Variants in RNF220 observed in about 807,000 individuals in gnomAD.
RNF220 encodes the protein ring finger protein 220.
Under a neutral mutation model 67.1 loss-of-function variants are expected in RNF220, and 7 were observed. The observed-to-expected ratio is 0.10, with a 90% CI of 0.06 to 0.20. The LOEUF is 0.20. RNF220 is among the 10% of genes least tolerant of loss of function. RNF220 has a pLI of 1.00. For synonymous variants in RNF220, 270 were observed against 283.2 expected (o/e 0.95, Z 0.47); for missense variants, 565 against 740.3 (o/e 0.76, Z 2.75).
At chr1:44,505,504 G>A (rs543908740) in intron 2 of RNF220, among the ~76,000 whole-genome samples, 3 of 152,380 alleles carry the variant, frequency 2.0e-5, no homozygotes, top group East Asian at 1.9e-4. Context: ...CGGCTGGCCC[G>A]CAGCAGGGAA....
chr1:44,495,861 C>A (rs142609589), intron 2 of RNF220, among the ~76,000 whole-genome samples: 11 of 152,276 alleles, frequency 7.2e-5, no homozygotes, highest in Non-Finnish European at 1.5e-5. Flanking sequence ...CTGCTGTATC[C>A]CAGCATTTAG....
Position 44,635,757 on chromosome 1 carries a change from T to G in RNF220, c.993+169T>G, listed in dbSNP as rs181664450. The G allele has an allele frequency of 2.3e-5, 34 of 1,455,490 alleles. No homozygotes were observed. The East Asian group carries it at 6.5e-4, about 28-fold the overall frequency. 90.2% of individuals were successfully genotyped at this position (1,455,490 alleles called of 1,614,324 possible). A position where few individuals can be genotyped will look rare whatever the true frequency, so the allele number is the denominator to read the frequency against. On this transcript the variant is annotated intron_variant, in intron 7 of 14. Coordinates refer to ENST00000361799, the MANE Select transcript of RNF220 (RefSeq NM_018150.4). ...CCCCTGAATCTGTGGGCTCTTGGGGTCTCCATGTGGTCTCAGCAGCTTCTT... is the reference window on the plus strand; with the variant it reads ...CCCCTGAATCTGTGGGCTCTTGGGGGCTCCATGTGGTCTCAGCAGCTTCTT...
chr1:44,617,307 C>G (rs1643598207), intron 3 of RNF220, among the ~76,000 whole-genome samples: 1 of 152,122 alleles, frequency 6.6e-6, no homozygotes, highest in African/African-American at 2.4e-5. Flanking sequence ...CCGGCAAAGG[C>G]GTTCAAGGGC....
At chr1:44,459,462 C>T (rs1457546170) in intron 2 of RNF220, among the ~76,000 whole-genome samples, 1 of 149,884 alleles carries the variant, frequency 6.7e-6, no homozygotes, top group African/African-American at 2.5e-5. Context: ...ATAAACCCCC[C>T]AAAACTGGTA....
At chr1:44,505,177 A>C (rs993126996) in intron 2 of RNF220, among the ~76,000 whole-genome samples, 1 of 152,204 alleles carries the variant, frequency 6.6e-6, no homozygotes, top group Admixed American at 6.5e-5. Context: ...TCAGGATTTG[A>C]ACCCAGATCT....
At chr1:44,446,837 G>A (rs552077998) in intron 2 of RNF220, among the ~76,000 whole-genome samples, 10 of 152,234 alleles carry the variant, frequency 6.6e-5, no homozygotes, top group East Asian at 1.9e-4. Flanking sequence ...GATTACAGGC[G>A]TGAGCCACCA....
intron 2 of RNF220, among the ~76,000 whole-genome samples, chr1:44,520,873 G>A (rs1659881108): frequency 1.3e-5 from 2 of 152,116 alleles, no homozygotes; most frequent in Non-Finnish European, 2.9e-5. Flanking sequence ...CTAATAAACT[G>A]GGATGATCTA....
intron 2 of RNF220, among the ~76,000 whole-genome samples, chr1:44,479,329 G>T (rs946435257): frequency 5.3e-5 from 8 of 152,010 alleles, no homozygotes; most frequent in African/African-American, 1.9e-4. Context: ...TGCTAGCCAG[G>T]ATGGTCTCGA....
intron 2 of RNF220, among the ~76,000 whole-genome samples, chr1:44,562,645 G>T (rs1663665146): frequency 6.6e-6 from 1 of 152,200 alleles, no homozygotes. Context: ...GCTAAGTCGG[G>T]GTTGGGGGGT....
Position 44,566,904 on chromosome 1 carries a change from G to A in RNF220, c.626-47261G>A, listed in dbSNP as rs1272384824. Among the ~76,000 whole-genome samples, 3 of 152,182 alleles carry A rather than the reference G, an allele frequency of 2.0e-5. No individual in the cohort carries two copies. The East Asian group carries it at 5.8e-4, about 29-fold the overall frequency. ...CCATTTCCTATCCCATCCCCCTGTG[G>A]TTTTCAGAGGGCAGAAAGCTGAGCC... On this transcript the variant is annotated intron_variant, in intron 2 of 14. Coordinates refer to ENST00000361799, the MANE Select transcript of RNF220 (RefSeq NM_018150.4).
At chr1:44,578,117 G>T (rs916951045) in intron 2 of RNF220, among the ~76,000 whole-genome samples, 7 of 147,762 alleles carry the variant, frequency 4.7e-5, no homozygotes, top group African/African-American at 1.5e-4. Flanking sequence ...ATGCAACTGG[G>T]ATTTTCTTTC....
chr1:44,532,935 A>C (rs539250384), intron 2 of RNF220, among the ~76,000 whole-genome samples: 3 of 152,324 alleles, frequency 2.0e-5, no homozygotes, highest in South Asian at 4.1e-4. Context: ...CCCTAGGGGA[A>C]GTCGGTGCAG....
chr1:44,582,298 C>T (rs939581757), intron 2 of RNF220, among the ~76,000 whole-genome samples: 12 of 152,210 alleles, frequency 7.9e-5, no homozygotes, highest in African/African-American at 2.9e-4. Context: ...CGGCAATGTC[C>T]ATCCACTCCC....
intron 2 of RNF220, among the ~76,000 whole-genome samples, chr1:44,479,260 C>T (rs1052133874): frequency 1.7e-4 from 26 of 151,884 alleles, no homozygotes; most frequent in Admixed American, 2.0e-4. Context: ...GGACTACAGG[C>T]GCCTGCCACC....
chr1:44,558,421 A>G (rs911642027), intron 2 of RNF220, among the ~76,000 whole-genome samples: 9 of 152,228 alleles, frequency 5.9e-5, no homozygotes, highest in Non-Finnish European at 8.8e-5. Flanking sequence ...ATCAGATATA[A>G]AATGTGTAAG....
At chr1:44,555,767 G>A (rs535450530) in intron 2 of RNF220, among the ~76,000 whole-genome samples, 20 of 150,258 alleles carry the variant, frequency 1.3e-4, no homozygotes, top group Admixed American at 2.0e-4. Context: ...GAGCCACCGC[G>A]CCTGGCCTGA....
intron 2 of RNF220, among the ~76,000 whole-genome samples, chr1:44,555,163 G>A (rs757200222): frequency 6.6e-6 from 1 of 152,034 alleles, no homozygotes; most frequent in African/African-American, 2.4e-5. Context: ...CACCTCCTGG[G>A]CTCAGGCCAT....
chr1:44,435,066 A>C (rs1399733221), intron 2 of RNF220, among the ~76,000 whole-genome samples: 2 of 151,976 alleles, frequency 1.3e-5, no homozygotes, highest in Non-Finnish European at 2.9e-5. Flanking sequence ...TAATGTCTTA[A>C]AGTTTTTGAA....
At chr1:44,559,521 G>A (rs941938737) in intron 2 of RNF220, among the ~76,000 whole-genome samples, 8 of 152,388 alleles carry the variant, frequency 5.2e-5, no homozygotes, top group African/African-American at 1.4e-4. Context: ...TGAGAAGGAG[G>A]AAGGGAGGGC....
Sources: gnomAD v4.1 joint callset for allele counts (sites outside exome capture counted in the v4.1 genomes callset) on GRCh38, gnomAD v4.1.1 for gene constraint, MANE v1.5 for transcripts, NCBI Gene and HGNC (gene_info 2026-07-23, HGNC 2026-07-21) for gene names.